The following SF3B3 variants were observed in gnomAD, a reference collection of about 807,000 sequenced individuals.
SF3B3 encodes splicing factor 3b subunit 3, also known as SAP 130.
Under a neutral mutation model 139.2 loss-of-function variants are expected in SF3B3, and 33 were observed. The observed-to-expected ratio is 0.24, with a 90% CI of 0.18 to 0.32. The LOEUF (loss-of-function observed/expected upper bound fraction) is 0.32. SF3B3 is among the 10% of genes least tolerant of loss of function. The probability of loss-of-function intolerance (pLI) is 1.00; values close to 1 mark genes in which losing one functional copy is unlikely to be tolerated. For synonymous variants in SF3B3, 596 were observed against 563.6 expected, an observed-to-expected ratio of 1.06 and a Z score of -0.81; for missense variants, 818 against 1,509.4, an observed-to-expected ratio of 0.54 and a Z score of 7.59.
intron 1 of SF3B3, chr16:70,524,947 G>A (rs1275069365): frequency 6.6e-6 from 1 of 151,666 alleles, no homozygotes; most frequent in African/African-American, 2.4e-5. Context: ...CAAAGTGTTG[G>A]GATTACAGGT....
At chr16:70,566,887 A>T (rs1284525960) in intron 20 of SF3B3, among the ~76,000 whole-genome samples, 7 of 152,036 alleles carry the variant, frequency 4.6e-5, no homozygotes, top group Admixed American at 2.6e-4. Context: ...AGTTTCTACG[A>T]AAAATACAGA....
intron 11 of SF3B3, among the ~76,000 whole-genome samples, chr16:70,548,828 G>T (rs2050293603): frequency 6.6e-6 from 1 of 152,322 alleles, no homozygotes; most frequent in African/African-American, 2.4e-5. Flanking sequence ...TGAAACCACA[G>T]TGAAATTGAA....
chr16:70,524,397 T>G (rs2050028509), intron 1 of SF3B3, among the ~76,000 whole-genome samples: 1 of 152,346 alleles, frequency 6.6e-6, no homozygotes, highest in East Asian at 1.9e-4. Context: ...GTTTGCGTAA[T>G]GGAGGACAGA....
At chr16:70,528,338 T>A (rs781155626) in intron 2 of SF3B3, among the ~76,000 whole-genome samples, 1 of 151,060 alleles carries the variant, frequency 6.6e-6, no homozygotes, top group Non-Finnish European at 1.5e-5. Context: ...CTAATTTTTG[T>A]ATTTTTAGTA....
intron 7 of SF3B3, among the ~76,000 whole-genome samples, chr16:70,538,669 T>C (rs1291520344): frequency 6.6e-6 from 1 of 152,236 alleles, no homozygotes; most frequent in African/African-American, 2.4e-5. Context: ...TTGTAGTGAT[T>C]ATTTTTAGGT....
At chr16:70,558,407 C>A (rs148161465) in intron 15 of SF3B3, among the ~76,000 whole-genome samples, 1 of 152,026 alleles carries the variant, frequency 6.6e-6, no homozygotes. Context: ...GCATGAACCA[C>A]CGTGCCTGGC....
intron 9 of SF3B3, among the ~76,000 whole-genome samples, chr16:70,542,441 G>A (rs1186114438): frequency 1.3e-5 from 2 of 152,176 alleles, no homozygotes; most frequent in Non-Finnish European, 2.9e-5. Flanking sequence ...TGGAGTTTGT[G>A]TCTCTCATTG....
chr16:70,565,930 A>G (rs1567424808), intron 20 of SF3B3, among the ~76,000 whole-genome samples: 1 of 151,994 alleles, frequency 6.6e-6, no homozygotes, highest in Non-Finnish European at 1.5e-5. Context: ...CAGCCCGGCC[A>G]ACATGGTGAA....
chr16:70,546,685 G>A (rs781736236), intron 10 of SF3B3, among the ~76,000 whole-genome samples: 1 of 151,814 alleles, frequency 6.6e-6, no homozygotes, highest in Non-Finnish European at 1.5e-5. Context: ...GAAAATTTTT[G>A]TATAGTGTAA....
chr16:70,567,679 CT>C, intron 21 of SF3B3, 143 bp downstream of exon 21: 1 of 1,087,366 alleles, frequency 9.2e-7, no homozygotes, highest in Non-Finnish European at 1.3e-6. Flanking sequence ...GAATTATGCC[CT>C]TGTTTTTTTG....
chr16:70,558,605 T>A lies in SF3B3; in HGVS notation c.2010+1576T>A, dbSNP rs887271471. Among the ~76,000 whole-genome samples the A allele has an allele frequency of 9.2e-5, 14 of 152,298 alleles. 1 individual carries two copies. The highest frequency in any genetic ancestry group is 2.0e-4 in the Admixed American group (3 of 15,302). On this transcript the variant is annotated intron_variant, in intron 15 of 25. Transcript: ENST00000302516. ...TTTATTTGTCTTTATTTAAAAAAAA[T>A]TTCTTCCTTGACACAGAGTCTTGCT...
intron 17 of SF3B3, among the ~76,000 whole-genome samples, chr16:70,563,424 C>T (rs2050447677): frequency 6.6e-6 from 1 of 152,100 alleles, no homozygotes; most frequent in Non-Finnish European, 1.5e-5. Context: ...ATTTGTAGGT[C>T]CCTTATTTGC....
At chr16:70,527,679 T>TA (rs2050077343) in intron 2 of SF3B3, among the ~76,000 whole-genome samples, 1 of 152,238 alleles carries the variant, frequency 6.6e-6, no homozygotes, top group South Asian at 2.1e-4. Flanking sequence ...CTTCACTATG[T>TA]AATGCAATGA....
At chr16:70,547,339 A>G (rs867704337) in intron 10 of SF3B3, among the ~76,000 whole-genome samples, 5 of 152,238 alleles carry the variant, frequency 3.3e-5, no homozygotes, top group Middle Eastern at 3.2e-3. Flanking sequence ...TAGATCATTT[A>G]AAAACATTCA....
intron 9 of SF3B3, among the ~76,000 whole-genome samples, chr16:70,542,356 C>A (rs2050227064): frequency 6.6e-6 from 1 of 152,184 alleles, no homozygotes; most frequent in Non-Finnish European, 1.5e-5. Context: ...TAAAATAGTT[C>A]TGAGACATTG....
Position 70,560,534 on chromosome 16 carries a change from G to A in SF3B3, c.2076G>A (p.Arg692=), listed in dbSNP as rs1174461514. Residue 692 remains arginine (R), a synonymous_variant, in exon 16 of 26, where the codon CGG becomes CGA. Coordinates refer to ENST00000302516, the MANE Select transcript of SF3B3 (RefSeq NM_012426.5). ...GGGATTTGTCTGATACTCGCACTCGGTACCTGGGGTCCCGTCCTGTGAAGC... is the reference window on the plus strand; with the variant it reads ...GGGATTTGTCTGATACTCGCACTCGATACCTGGGGTCCCGTCCTGTGAAGC... The part of the protein sequence containing the change: ...VTGDLSDTRT[R]YLGSRPVKLF... The A allele has an allele frequency of 5.0e-6, 8 of 1,613,852 alleles. No homozygotes were observed. Among genetic ancestry groups the A allele is most frequent in the Non-Finnish European group, 5.9e-6 (7 of 1,179,886 alleles).
At chr16:70,551,243 G>C (rs551991191) in intron 11 of SF3B3, among the ~76,000 whole-genome samples, 1 of 152,242 alleles carries the variant, frequency 6.6e-6, no homozygotes, top group South Asian at 2.1e-4. Context: ...GAGCCCTGTT[G>C]AACTGTGACC....
chr16:70,567,287 A>T, intron 20 of SF3B3, 124 bp from the exon 21 acceptor site: 1 of 1,065,496 alleles, frequency 9.4e-7, no homozygotes. Flanking sequence ...CATTAGCAAA[A>T]TAAGCTCACT....
At chr16:70,564,584 T>G (rs983590154) in intron 18 of SF3B3, among the ~76,000 whole-genome samples, 3 of 152,166 alleles carry the variant, frequency 2.0e-5, no homozygotes, top group Admixed American at 1.3e-4. Flanking sequence ...ATAGACTGTA[T>G]TTCCTTTATT....
Sources: gnomAD v4.1 joint callset for allele counts (sites outside exome capture counted in the v4.1 genomes callset) on GRCh38, gnomAD v4.1.1 for gene constraint, MANE v1.5 for transcripts, NCBI Gene and HGNC (gene_info 2026-07-23, HGNC 2026-07-21) for gene names.